The following GNE variants were observed in gnomAD, a reference collection of about 807,000 sequenced individuals.
GNE encodes the protein glucosamine (UDP-N-acetyl)-2-epimerase/N-acetylmannosamine kinase.
A neutral mutation model predicts 61.8 loss-of-function variants in GNE; 41 were observed. The observed-to-expected ratio is 0.66, with a 90% CI of 0.52 to 0.86. The LOEUF (loss-of-function observed/expected upper bound fraction) is 0.86, where lower values mean the gene tolerates loss of function less well. Among genes scored for constraint, GNE ranks in the 40% least tolerant of loss-of-function variants. The pLI is 0.00. For missense variants in GNE, 608 were observed against 909.1 expected, an observed-to-expected ratio of 0.67 and a Z score of 4.26; for synonymous variants, 264 against 326.4, an observed-to-expected ratio of 0.81 and a Z score of 2.06.
chr9:36,221,524 T>C (rs1828586721), intron 9 of GNE, among the ~76,000 whole-genome samples: 1 of 151,806 alleles, frequency 6.6e-6, no homozygotes, highest in Admixed American at 6.6e-5. Flanking sequence ...AAGTAACAAA[T>C]TGGGATGTCA....
intron 7 of GNE, 125 bp from the exon 8 acceptor site, chr9:36,223,627 G>A (rs1828711859): frequency 2.1e-6 from 2 of 967,444 alleles, no homozygotes; most frequent in Admixed American, 3.8e-5. Flanking sequence ...TTAGATGACT[G>A]CTTGGGGAAG....
At chr9:36,268,226 T>C (rs774233000) in intron 1 of GNE, among the ~76,000 whole-genome samples, 40 of 152,294 alleles carry the variant, frequency 2.6e-4, no homozygotes, top group Middle Eastern at 3.4e-3. Flanking sequence ...TGCTCAGTCA[T>C]CCCTGACTAA....
chr9:36,253,666 G>C (rs1830209138), intron 1 of GNE, among the ~76,000 whole-genome samples: 2 of 152,064 alleles, frequency 1.3e-5, no homozygotes, highest in African/African-American at 4.8e-5. Flanking sequence ...AAATCTAAAA[G>C]TGCAAAATTT....
chr9:36,248,171 G>T (rs182441239), intron 2 of GNE, among the ~76,000 whole-genome samples: 7 of 152,170 alleles, frequency 4.6e-5, no homozygotes, highest in East Asian at 3.9e-4. Context: ...TTAACGCAAG[G>T]TTCTTTCAGA....
chr9:36,257,298 G>A (rs1830396128), intron 1 of GNE, among the ~76,000 whole-genome samples: 1 of 152,104 alleles, frequency 6.6e-6, no homozygotes, highest in South Asian at 2.1e-4. Context: ...AGTGCAATGA[G>A]GATGGGACTC....
At position 36,218,205 on chromosome 9, in the gene GNE, C is replaced by A; in HGVS notation, c.1911G>T (p.Lys637Asn). 1 of 1,613,602 alleles carries A rather than the reference C, an allele frequency of 6.2e-7. No individual in the cohort carries two copies. The highest frequency in any genetic ancestry group is 1.1e-5 in the South Asian group (1 of 91,074). The change falls in exon 11 of 12, where the codon AAG (lysine) becomes AAT (asparagine). Residue 637 changes from lysine (K) to asparagine (N), a missense_variant. Physicochemically the swap from Lys to Asn is moderately conservative, Grantham distance 94. Coordinates refer to ENST00000642385, the MANE Select transcript of GNE (RefSeq NM_005476.7). This position sits in a 1 kb window ranked among gnomAD's most constrained non-coding sequence, Gnocchi z 4.1. ...LIQAAKLGNAKAQSILRTAGT... is the reference protein window; with the variant it reads ...LIQAAKLGNANAQSILRTAGT... The stretch of plus-strand genomic sequence containing the variant: ...CACCTGTTCTTAGGATGCTCTGGGC[C>A]TTCGCATTGCCAAGTTTCGCAGCTT...
At chr9:36,235,436 G>A (rs1416840539) in intron 4 of GNE, among the ~76,000 whole-genome samples, 1 of 152,154 alleles carries the variant, frequency 6.6e-6, no homozygotes, top group African/African-American at 2.4e-5. Context: ...ACCCTGTGGA[G>A]GGTAGAGGCA....
At chr9:36,246,600 A>C (rs1829885714) in intron 2 of GNE, 118 bp from the exon 3 acceptor site, 1 of 661,908 alleles carries the variant, frequency 1.5e-6, no homozygotes, top group Non-Finnish European at 2.7e-6. Flanking sequence ...AAATAAATTG[A>C]AGTATAACTT....
In GNE at chr9:36,235,129, C is replaced by T. The variant is rs148958895; in HGVS notation, c.770-997G>A. On this transcript the variant is annotated intron_variant, in intron 4 of 11. Coordinates refer to ENST00000642385, the MANE Select transcript of GNE (RefSeq NM_005476.7). ...TCCAAAATCCAACTGCTCCAATAAA[C>T]GCTTCCTTTGAGCGTCATATTGGTG... Among the ~76,000 whole-genome samples the T allele has an allele frequency of 7.9e-5, 12 of 152,304 alleles. No homozygotes were observed. The East Asian group carries it at 1.7e-3, about 22-fold the overall frequency.
upstream of GNE, among the ~76,000 whole-genome samples, chr9:36,261,813 C>CTT (rs1830626251): frequency 6.6e-6 from 1 of 151,260 alleles, no homozygotes; most frequent in Non-Finnish European, 1.5e-5. Flanking sequence ...GTCCCAGCTA[C>CTT]GCGGGAGGCT....
chr9:36,241,575 A>G (rs989050043), intron 3 of GNE, among the ~76,000 whole-genome samples: 2 of 152,126 alleles, frequency 1.3e-5, no homozygotes, highest in Admixed American at 1.3e-4. Flanking sequence ...GGCACTTCTG[A>G]TATTATTACC....
chr9:36,227,442 C>T lies in GNE; in HGVS notation c.1087G>A (p.Asp363Asn), dbSNP rs766459139. 6.2e-7 allele frequency: 1 copy of T among 1,605,400 alleles called. No individual in the cohort carries two copies. Among genetic ancestry groups the T allele is most frequent in the Non-Finnish European group, 8.5e-7 (1 of 1,172,054 alleles). The change falls in exon 7 of 12, where the codon GAT becomes AAT. Residue 363 changes from aspartate to asparagine, a missense_variant. Asp to Asn is a conservative substitution (Grantham distance 23, BLOSUM62 1). Coordinates refer to ENST00000642385, the MANE Select transcript of GNE (RefSeq NM_005476.7). Reference protein sequence around the residue: ...KQYPCSKIYGDGNAVPRILKF... With the variant: ...KQYPCSKIYGNGNAVPRILKF... The stretch of plus-strand genomic sequence containing the variant: ...AAAATCCTTGGAACAGCATTTCCAT[C>T]CCCATATATCTTTGAACTGCAATAT...
At chr9:36,274,380 G>A (rs1490781511) in intron 1 of GNE, among the ~76,000 whole-genome samples, 1 of 152,112 alleles carries the variant, frequency 6.6e-6, no homozygotes, top group Non-Finnish European at 1.5e-5. Flanking sequence ...AGAGATGTGA[G>A]CCATTGTGTC....
chr9:36,251,935 C>T (rs749915944), intron 1 of GNE, among the ~76,000 whole-genome samples: 6 of 151,544 alleles, frequency 4.0e-5, no homozygotes, highest in East Asian at 1.9e-4. Flanking sequence ...TATAACGAAA[C>T]GGGCATTCCA....
chr9:36,229,988 C>G (rs1485465102), intron 5 of GNE, among the ~76,000 whole-genome samples: 4 of 152,052 alleles, frequency 2.6e-5, no homozygotes, highest in African/African-American at 4.8e-5. Context: ...GCTCTGTTGC[C>G]CAGGCTGAAG....
intron 1 of GNE, among the ~76,000 whole-genome samples, chr9:36,253,909 G>T (rs1186590182): frequency 1.3e-5 from 2 of 151,924 alleles, no homozygotes; most frequent in African/African-American, 4.8e-5. Context: ...GTGGTGGCGT[G>T]CACCTGCAAT....
upstream of GNE, among the ~76,000 whole-genome samples, chr9:36,258,961 A>G (rs1434542686): frequency 6.6e-6 from 1 of 152,142 alleles, no homozygotes; most frequent in Non-Finnish European, 1.5e-5. Flanking sequence ...CATCTTTATA[A>G]TCAGTTCAGC....
At chr9:36,239,139 T>C (rs1829530403) in intron 3 of GNE, among the ~76,000 whole-genome samples, 1 of 152,206 alleles carries the variant, frequency 6.6e-6, no homozygotes, top group African/African-American at 2.4e-5. Context: ...TATGGCCTTA[T>C]AGTATAGTTT....
At chr9:36,259,151 C>CAAGCCATCTTTTCTGGCTT (rs1298304286), upstream of GNE, among the ~76,000 whole-genome samples, 1 of 152,208 alleles carries the variant, frequency 6.6e-6, no homozygotes, top group Non-Finnish European at 1.5e-5. Flanking sequence ...CTCCTGGCCT[C>CAAGCCATCTTTTCTGGCTT]AAGCCATCTT....
Sources: allele counts gnomAD v4.1 joint callset (sites outside exome capture counted in the v4.1 genomes callset), GRCh38; gene constraint gnomAD v4.1.1; non-coding constraint Gnocchi (gnomAD v3.1); transcripts MANE v1.5; gene names NCBI Gene and HGNC (gene_info 2026-07-23, HGNC 2026-07-21).